The following GABRG1 variants were observed in gnomAD, a reference collection of about 807,000 sequenced individuals.
GABRG1 encodes the protein gamma-aminobutyric acid type A receptor subunit gamma1.
GABRG1 carries 49 observed loss-of-function variants against 49.8 expected under a neutral mutation model. The observed-to-expected ratio is 0.98, with a 90% CI of 0.78 to 1.25. GABRG1 has a LOEUF of 1.25. Ranked by LOEUF, GABRG1 falls within the 50% of genes most tolerant of loss-of-function variation. The pLI is 0.00. For missense variants in GABRG1, 552 were observed against 552.3 expected, an observed-to-expected ratio of 1.00 and a Z score of 0.01; for synonymous variants, 232 against 185.1, an observed-to-expected ratio of 1.25 and a Z score of -2.06.
chr4:46,090,381 T>C (rs1719935463), intron 2 of GABRG1, among the ~76,000 whole-genome samples: 1 of 152,020 alleles, frequency 6.6e-6, no homozygotes, highest in African/African-American at 2.4e-5. Flanking sequence ...TCAAAATACC[T>C]ACACATGGAC....
intron 1 of GABRG1, among the ~76,000 whole-genome samples, chr4:46,114,237 G>C (rs1272943096): frequency 6.6e-6 from 1 of 151,022 alleles, no homozygotes; most frequent in African/African-American, 2.4e-5. Context: ...TATATGTGCA[G>C]CTGAAGCAAG....
chr4:46,073,897 A>C (rs1286322223), intron 3 of GABRG1, among the ~76,000 whole-genome samples: 4 of 152,096 alleles, frequency 2.6e-5, no homozygotes, highest in Non-Finnish European at 5.9e-5. Flanking sequence ...GTGTTCACCT[A>C]TTTTTGGATC....
chr4:46,098,390 C>T (rs575665250), intron 1 of GABRG1, among the ~76,000 whole-genome samples: 1 of 151,862 alleles, frequency 6.6e-6, no homozygotes, highest in African/African-American at 2.4e-5. Context: ...AAACTAAACA[C>T]TAACATTGGT....
At chr4:46,101,921 T>A (rs1720393647) in intron 1 of GABRG1, among the ~76,000 whole-genome samples, 1 of 151,622 alleles carries the variant, frequency 6.6e-6, no homozygotes, top group African/African-American at 2.4e-5. Flanking sequence ...AAAAACAGAA[T>A]AATGTATACA....
At chr4:46,077,767 T>C (rs923784919) in intron 3 of GABRG1, among the ~76,000 whole-genome samples, 3 of 151,752 alleles carry the variant, frequency 2.0e-5, no homozygotes, top group Non-Finnish European at 2.9e-5. Context: ...CTATAATAAA[T>C]GGTAAATAAA....
At chr4:46,077,266 G>A (rs950056225) in intron 3 of GABRG1, among the ~76,000 whole-genome samples, 2 of 151,516 alleles carry the variant, frequency 1.3e-5, no homozygotes, top group South Asian at 2.1e-4. Flanking sequence ...AAACCTGCAC[G>A]TTGTGCACAT....
rs1319186033 is a variant in GABRG1 at position 46,037,724 on chromosome 4, G to A, written c.*3264C>T. The A allele has an allele frequency of 6.6e-6, 1 of 151,550 alleles. No homozygotes were observed. Among genetic ancestry groups the A allele is most frequent in the Admixed American group, 6.6e-5 (1 of 15,148 alleles). 9.4% of individuals were successfully genotyped at this position (151,550 alleles called of 1,614,324 possible). A position where few individuals can be genotyped will look rare whatever the true frequency, so the allele number is the denominator to read the frequency against. On this transcript the variant is annotated 3_prime_UTR_variant, in exon 9 of 9. Transcript: ENST00000295452. ...TTCGTTATACATTTACTTAAATACT[G>A]GTTATTTATTTCAATCTACTAAAAT...
At chr4:46,064,392 G>A (rs374712146) in intron 5 of GABRG1, 49 bp downstream of exon 5, 14 of 971,296 alleles carry the variant, frequency 1.4e-5, no homozygotes, top group Non-Finnish European at 2.0e-5. Context: ...TAAATAAACA[G>A]CTTCTAAGGT....
At chr4:46,078,135 T>G (rs1719428844) in intron 3 of GABRG1, among the ~76,000 whole-genome samples, 1 of 152,020 alleles carries the variant, frequency 6.6e-6, no homozygotes, top group South Asian at 2.1e-4. Flanking sequence ...TTTCAAGCTT[T>G]AAAATACTGC....
At chr4:46,117,433 C>A (rs543273564) in intron 1 of GABRG1, among the ~76,000 whole-genome samples, 1 of 149,738 alleles carries the variant, frequency 6.7e-6, no homozygotes, top group African/African-American at 2.4e-5. Context: ...TATTTTAATG[C>A]CACATCTTAC....
intron 7 of GABRG1, 120 bp downstream of exon 7, chr4:46,058,097 A>T (rs1410757070): frequency 2.2e-6 from 2 of 894,642 alleles, no homozygotes; most frequent in African/African-American, 1.7e-5. Context: ...GTTCCTGTCA[A>T]TTTTTTTCCT....
At chr4:46,058,027 C>T (rs1357072540) in intron 7 of GABRG1, among the ~76,000 whole-genome samples, 190 bp downstream of exon 7, 3 of 152,086 alleles carry the variant, frequency 2.0e-5, no homozygotes, top group Admixed American at 6.6e-5. Flanking sequence ...AAGTTCTTTA[C>T]AATTCCATTT....
rs551910516 is a variant in GABRG1 at position 46,057,454 on chromosome 4, G to T, written c.916+763C>A. 2.0e-5 allele frequency among the ~76,000 whole-genome samples: 3 copies of T among 152,136 alleles called. 1 individual carries two copies. In the South Asian group the frequency reaches 6.2e-4, roughly 31 times the overall value. ...TGTGTCTTTCACTGATTTGGGGGGT[G>T]AATCAATTGATTAACAAGTTTTATT... On this transcript the variant is annotated intron_variant, in intron 7 of 8. Coordinates refer to ENST00000295452, the MANE Select transcript of GABRG1 (RefSeq NM_173536.4).
chr4:46,072,445 A>G (rs891565931), intron 3 of GABRG1, among the ~76,000 whole-genome samples: 2 of 152,086 alleles, frequency 1.3e-5, no homozygotes, highest in Admixed American at 6.6e-5. Context: ...GAACGCTTTT[A>G]TAAAAATTAT....
intron 5 of GABRG1, among the ~76,000 whole-genome samples, chr4:46,061,150 C>T (rs1019371226): frequency 1.5e-4 from 23 of 152,238 alleles, no homozygotes; most frequent in African/African-American, 5.3e-4. Context: ...AGAAGTACAA[C>T]TGCTACATCA....
intron 2 of GABRG1, among the ~76,000 whole-genome samples, chr4:46,089,145 T>C (rs1308956623): frequency 6.6e-6 from 1 of 151,994 alleles, no homozygotes; most frequent in African/African-American, 2.4e-5. Flanking sequence ...CAGCAGCACA[T>C]ATCTTCAGAC....
chr4:46,065,212 T>G, intron 4 of GABRG1, 152 bp downstream of exon 4: 1 of 556,916 alleles, frequency 1.8e-6, no homozygotes, highest in Non-Finnish European at 3.1e-6. Context: ...AAAAAAGTAT[T>G]GCCAAAGTAT....
chr4:46,041,288 A>G, intron 8 of GABRG1, 34 bp from the exon 9 acceptor site: 2 of 1,600,236 alleles, frequency 1.2e-6, no homozygotes, highest in East Asian at 2.2e-5. Context: ...TTTGACATCA[A>G]AAAAGTAGCA....
At chr4:46,087,671 C>T (rs1327585985) in intron 2 of GABRG1, among the ~76,000 whole-genome samples, 1 of 151,776 alleles carries the variant, frequency 6.6e-6, no homozygotes, top group South Asian at 2.1e-4. Flanking sequence ...AGAAGGAAAA[C>T]TCCAGGTCCA....
Sources: allele counts gnomAD v4.1 joint callset (sites outside exome capture counted in the v4.1 genomes callset), GRCh38; gene constraint gnomAD v4.1.1; transcripts MANE v1.5; gene names NCBI Gene and HGNC (gene_info 2026-07-23, HGNC 2026-07-21).